The following ELAC2 variants were observed in gnomAD, a reference collection of about 807,000 sequenced individuals.
The protein encoded by ELAC2 is elaC ribonuclease Z 2.
In ELAC2, 92 loss-of-function variants were observed where a neutral mutation model predicts 105.2. The observed-to-expected ratio is 0.87, with a 90% CI of 0.74 to 1.04. The LOEUF is 1.04. ELAC2 is among the 50% of genes least tolerant of loss of function. The pLI is 0.00. For synonymous variants in ELAC2, 468 were observed against 409.1 expected (o/e 1.14, Z -1.74); for missense variants, 1,099 against 1,071.7 (o/e 1.03, Z -0.36).
Position 12,994,814 on chromosome 17 carries a change from T to C in ELAC2, c.1979A>G (p.Lys660Arg). 1 of 1,614,038 alleles carries C rather than the reference T, an allele frequency of 6.2e-7. No individual in the cohort carries two copies. Among genetic ancestry groups the C allele is most frequent in the Non-Finnish European group, 8.5e-7 (1 of 1,180,036 alleles). Residue 660 changes from lysine (K) to arginine (R), a missense_variant, in exon 21 of 24, where the codon AAA becomes AGA. By Grantham distance (26) the Lys-to-Arg change is conservative. Coordinates refer to ENST00000338034, the MANE Select transcript of ELAC2 (RefSeq NM_018127.7). Reference sequence around the variant, plus strand: ...CATGGTGTCCCCGGAATAGACCACTTTCCAGCCAGAGGTGTGCACCAGCGC... The same window carrying C: ...CATGGTGTCCCCGGAATAGACCACTCTCCAGCCAGAGGTGTGCACCAGCGC... ...GCALVHTSGW[K>R]VVYSGDTMPC...
At position 13,018,025 on chromosome 17, in the gene ELAC2, C is replaced by CTGG. The variant is rs1206609062; in HGVS notation, c.-79_-78insCCA. On this transcript the variant is annotated 5_prime_UTR_variant, in exon 1 of 24. The change abolishes an upstream ATG in the 5' untranslated region. Transcript: ENST00000338034. Reference sequence around the variant, plus strand: ...TCCCGTGCACCACCTAGCCGCTCCGCATGGCGGATCCAGCCAATCAGCGCG... The same window carrying CTGG: ...TCCCGTGCACCACCTAGCCGCTCCGCTGGATGGCGGATCCAGCCAATCAGCGCG... The CTGG allele has an allele frequency of 5.9e-6, 9 of 1,529,834 alleles. No individual in the cohort carries two copies. Among genetic ancestry groups the CTGG allele is most frequent in the African/African-American group, 1.4e-5 (1 of 72,838 alleles). The allele number at this position is 1,529,834 out of a possible 1,614,324, so 94.8% of individuals were successfully genotyped here.
chr17:12,996,942 CAAAA>C (rs57024446), intron 16 of ELAC2, among the ~76,000 whole-genome samples: 6 of 126,586 alleles, frequency 4.7e-5, no homozygotes, highest in Admixed American at 8.1e-5. Flanking sequence ...GGCTGGGCAT[CAAAA>C]AAAAAAAAAA....
intron 15 of ELAC2, among the ~76,000 whole-genome samples, chr17:12,999,630 GCT>G (rs933676497): frequency 6.6e-6 from 1 of 151,708 alleles, no homozygotes; most frequent in African/African-American, 2.4e-5. Context: ...ATCGCCAAAT[GCT>G]CTGATTGGGT....
chr17:13,014,642 C>T, intron 4 of ELAC2, 146 bp from the exon 5 acceptor site: 1 of 712,976 alleles, frequency 1.4e-6, no homozygotes. Context: ...CAAATATTTA[C>T]TGAGTATCCA....
intron 11 of ELAC2, 118 bp downstream of exon 11, chr17:13,004,871 G>A (rs995428937): frequency 1.0e-5 from 9 of 860,018 alleles, no homozygotes; most frequent in South Asian, 2.6e-5. Context: ...GCCGGCCTCT[G>A]AACTGTAAAC....
Position 13,002,300 on chromosome 17 carries a change from C to G in ELAC2, c.1278G>C (p.Gln426His). 2 of 1,614,168 alleles carry G rather than the reference C, an allele frequency of 1.2e-6. No homozygotes were observed. Among genetic ancestry groups the G allele is most frequent in the Non-Finnish European group, 1.7e-6 (2 of 1,180,046 alleles). The change falls in exon 14 of 24, where the codon CAG becomes CAC. Residue 426 changes from glutamine (Q) to histidine (H), a missense_variant. Transcript: ENST00000338034. Reference protein sequence around the residue: ...MVQGECLLKYQLRPRREWQRD... With the variant: ...MVQGECLLKYHLRPRREWQRD... ...TCTGCCACTCCCTCCTGGGACGGAG[C>G]TGGTACTTGAGGAGGCATTCACCCT...
rs770917844 is a variant in ELAC2, at chr17:12,993,840, G to A, written c.2109-9C>T. 4.3e-6 allele frequency: 7 copies of A among 1,614,078 alleles called. No individual in the cohort carries two copies. In the African/African-American group the frequency reaches 9.3e-5, roughly 22 times the overall value. ...TGGCTTGGGACGTTGTGCTGCAGGT[G>A]AAGGACAGAGCAGACTGAAGCTGAA... On this transcript the variant is annotated splice_polypyrimidine_tract_variant and intron_variant, in intron 22 of 23. Transcript: ENST00000338034.
At chr17:12,994,609 G>A (rs907121704) in intron 21 of ELAC2, 106 bp from the exon 22 acceptor site, 52 of 1,591,182 alleles carry the variant, frequency 3.3e-5, no homozygotes, top group Non-Finnish European at 4.2e-5. Flanking sequence ...CCCTGGCCCT[G>A]GGTCTGCCTA....
chr17:12,994,953 T>C lies in ELAC2; in HGVS notation c.1908+10A>G. 1 of 1,614,174 alleles carries C rather than the reference T, an allele frequency of 6.2e-7. No individual in the cohort carries two copies. Among genetic ancestry groups the C allele is most frequent in the East Asian group, 2.2e-5 (1 of 44,884 alleles). ...CTCGCCCCCATGATGCCTGCGGCTG[T>C]GCCCCTTACCTCTTCCAAATCACAT... On this transcript the variant is annotated intron_variant, in intron 20 of 23. Coordinates refer to ENST00000338034, the MANE Select transcript of ELAC2 (RefSeq NM_018127.7).
chr17:13,004,342 T>C (rs993536678), intron 11 of ELAC2, among the ~76,000 whole-genome samples: 1 of 151,816 alleles, frequency 6.6e-6, no homozygotes, highest in African/African-American at 2.4e-5. Context: ...GGATTTGTTG[T>C]GGTAAGTAGA....
chr17:12,999,371 C>G (rs4791522), intron 15 of ELAC2, among the ~76,000 whole-genome samples: 40,689 of 152,168 alleles, frequency 0.27, 5,697 homozygotes, highest in Middle Eastern at 0.33. Flanking sequence ...CAGGCTCAGA[C>G]GCCCAGGTCT....
rs1567749003 is a variant in ELAC2, at chr17:12,998,523, A to C, written c.1424-15T>G. 1 of 1,609,198 alleles carries C rather than the reference A, an allele frequency of 6.2e-7. No homozygotes were observed. The highest frequency in any genetic ancestry group is 8.5e-7 in the Non-Finnish European group (1 of 1,175,670). ...ACTTCTTTTCTCTGTGAAAAAATCCATGTGAAACAATCCATTCCTTTGGGT... is the reference window on the plus strand; with the variant it reads ...ACTTCTTTTCTCTGTGAAAAAATCCCTGTGAAACAATCCATTCCTTTGGGT... On this transcript the variant is annotated splice_polypyrimidine_tract_variant and intron_variant, in intron 15 of 23. Transcript: ENST00000338034.
chr17:13,017,665 G>T, intron 1 of ELAC2, 38 bp downstream of exon 1: 1 of 1,613,068 alleles, frequency 6.2e-7, no homozygotes. Flanking sequence ...GCGCCGCACT[G>T]AGGGCCCAGC....
chr17:13,005,729 A>AAGC (rs1555577040), intron 10 of ELAC2, 24 bp downstream of exon 10: 7 of 1,613,316 alleles, frequency 4.3e-6, no homozygotes, highest in Non-Finnish European at 5.9e-6. Context: ...GTAACTGCTG[A>AAGC]ATCAAGAAAA....
intron 3 of ELAC2, among the ~76,000 whole-genome samples, chr17:13,016,346 T>C (rs2041720018): frequency 1.3e-5 from 2 of 152,214 alleles, no homozygotes; most frequent in Admixed American, 6.5e-5. Context: ...TGCTAGACTC[T>C]CCAGTTTACT....
rs544551424 is a variant in ELAC2 at position 13,017,853 on chromosome 17, G to A, written c.95C>T (p.Pro32Leu). Reference protein sequence around the residue: ...ISQAPARRERPRKDPLRHLRT... With the variant: ...ISQAPARRERLRKDPLRHLRT... Reference sequence around the variant, plus strand: ...CAGGTGCCGCAGCGGGTCCTTGCGCGGCCGCTCGCGGCGGGCGGGTGCCTG... The same window carrying A: ...CAGGTGCCGCAGCGGGTCCTTGCGCAGCCGCTCGCGGCGGGCGGGTGCCTG... Residue 32 changes from proline to leucine, a missense_variant, in exon 1 of 24, where the codon CCG becomes CTG. By Grantham distance (98) the Pro-to-Leu change is moderately conservative. Transcript: ENST00000338034. 1.3e-6 allele frequency: 2 copies of A among 1,565,728 alleles called. No individual in the cohort carries two copies. The highest frequency in any genetic ancestry group is 1.4e-5 in the African/African-American group (1 of 73,894).
At chr17:12,994,236 T>C (rs1190727910) in intron 22 of ELAC2, among the ~76,000 whole-genome samples, 189 bp downstream of exon 22, 2 of 152,212 alleles carry the variant, frequency 1.3e-5, no homozygotes, top group African/African-American at 4.8e-5. Flanking sequence ...TCTAGAATCT[T>C]GCTTAGAAAA....
chr17:13,017,641 G>A, intron 1 of ELAC2, 62 bp downstream of exon 1: 6 of 1,610,788 alleles, frequency 3.7e-6, no homozygotes, highest in Non-Finnish European at 5.1e-6. Context: ...GAGGTGCCCC[G>A]ATGCTCAGAG....
chr17:12,996,151 A>G, intron 17 of ELAC2, 173 bp from the exon 18 acceptor site: 4 of 773,694 alleles, frequency 5.2e-6, no homozygotes, highest in Non-Finnish European at 8.7e-6. Flanking sequence ...TGGCCCTGAA[A>G]TGTCACAGGC....
Sources: allele counts gnomAD v4.1 joint callset (sites outside exome capture counted in the v4.1 genomes callset), GRCh38; gene constraint gnomAD v4.1.1; transcripts MANE v1.5; gene names NCBI Gene and HGNC (gene_info 2026-07-23, HGNC 2026-07-21).